The following CSMD1 variants were observed in gnomAD, a reference collection of about 807,000 sequenced individuals.
The protein encoded by CSMD1 is CUB and sushi domain-containing protein 1.
In CSMD1, 213 loss-of-function variants were observed where a neutral mutation model predicts 417.5. The ratio of observed to expected loss-of-function variants is 0.51; its 90% CI spans 0.46 to 0.57. CSMD1 has a LOEUF of 0.57. Ranked by LOEUF, CSMD1 falls within the 20% of genes least tolerant of loss-of-function variation. CSMD1 has a pLI of 0.00. For missense variants in CSMD1, 6,923 were observed against 4,529.7 expected, an observed-to-expected ratio of 1.53 and a Z score of -15.17; for synonymous variants, 2,862 against 1,736.8, an observed-to-expected ratio of 1.65 and a Z score of -16.11.
chr8:3,258,360 C>G (rs893503692), intron 26 of CSMD1, among the ~76,000 whole-genome samples: 2 of 152,100 alleles, frequency 1.3e-5, no homozygotes, highest in Non-Finnish European at 1.5e-5. Context: ...CATCACTGAT[C>G]GTTAGAGAAA....
chr8:3,332,413 T>C (rs942027418), intron 23 of CSMD1, among the ~76,000 whole-genome samples: 1 of 152,200 alleles, frequency 6.6e-6, no homozygotes, highest in Non-Finnish European at 1.5e-5. Context: ...CTGAATTAGC[T>C]GGGAAGAGGA....
chr8:4,289,853 C>T (rs899249402), intron 3 of CSMD1, among the ~76,000 whole-genome samples: 1 of 152,140 alleles, frequency 6.6e-6, no homozygotes, highest in African/African-American at 2.4e-5. Context: ...AGTAGATATT[C>T]AAAGTGTATT....
Position 2,937,024 on chromosome 8 carries a change from G to A in CSMD1, c.*1561C>T, listed in dbSNP as rs561661610. The A allele has an allele frequency of 8.5e-4, 130 of 152,218 alleles. 1 individual carries two copies. Among genetic ancestry groups the A allele is most frequent in the African/African-American group, 3.0e-3 (123 of 41,528 alleles). 9.4% of individuals were successfully genotyped at this position (152,218 alleles called of 1,614,324 possible). Reference sequence around the variant, plus strand: ...ATCAAATAATAAAATAAGTACTATCGTTTCAAAAATATTTTTATCAAATAA... The same window carrying A: ...ATCAAATAATAAAATAAGTACTATCATTTCAAAAATATTTTTATCAAATAA... On this transcript the variant is annotated 3_prime_UTR_variant, in exon 70 of 70. Coordinates refer to ENST00000635120, the MANE Select transcript of CSMD1 (RefSeq NM_033225.6).
intron 3 of CSMD1, among the ~76,000 whole-genome samples, chr8:4,400,432 G>T (rs2128928624): frequency 6.6e-6 from 1 of 152,324 alleles, no homozygotes; most frequent in East Asian, 1.9e-4. Flanking sequence ...ATGTGCACAT[G>T]CATGTATGCA....
chr8:4,483,359 A>G (rs181323427), intron 2 of CSMD1, among the ~76,000 whole-genome samples: 38 of 152,358 alleles, frequency 2.5e-4, no homozygotes, highest in Admixed American at 2.4e-3. Context: ...ATACACCAGT[A>G]GATAAATTAT....
chr8:2,955,648 G>T lies in CSMD1; in HGVS notation c.9935C>A (p.Ser3312Tyr). ...CHPGFFLAGG[S>Y]EHRTCKADMK... Reference sequence around the variant, plus strand: ...GTCTGCTTTACATGTTCTGTGCTCAGATCCCCCTGCGAGGAAAAAGCCTGG... The same window carrying T: ...GTCTGCTTTACATGTTCTGTGCTCATATCCCCCTGCGAGGAAAAAGCCTGG... Residue 3312 changes from serine (S) to tyrosine (Y), a missense_variant, in exon 64 of 70, where the codon TCT (serine) becomes TAT (tyrosine). Coordinates refer to ENST00000635120, the MANE Select transcript of CSMD1 (RefSeq NM_033225.6). The T allele has an allele frequency of 6.2e-7, 1 of 1,613,864 alleles. No individual in the cohort carries two copies. The highest frequency in any genetic ancestry group is 8.5e-7 in the Non-Finnish European group (1 of 1,179,836).
chr8:4,459,667 G>T (rs1294215988), intron 2 of CSMD1, among the ~76,000 whole-genome samples: 1 of 152,160 alleles, frequency 6.6e-6, no homozygotes, highest in Non-Finnish European at 1.5e-5. Flanking sequence ...AATATCTCCT[G>T]CAAAGAAGTG....
chr8:4,909,039 A>G (rs1805490735), intron 1 of CSMD1, among the ~76,000 whole-genome samples: 1 of 152,190 alleles, frequency 6.6e-6, no homozygotes, highest in South Asian at 2.1e-4. Context: ...AAAATGTGAT[A>G]AGCAGGACTT....
chr8:4,620,333 A>G (rs1440816428), intron 2 of CSMD1, among the ~76,000 whole-genome samples: 6 of 151,624 alleles, frequency 4.0e-5, no homozygotes, highest in African/African-American at 4.8e-5. Context: ...ATATATATGT[A>G]TACACATAAA....
At chr8:3,301,411 A>C (rs1351903708) in intron 25 of CSMD1, among the ~76,000 whole-genome samples, 1 of 152,152 alleles carries the variant, frequency 6.6e-6, no homozygotes, top group African/African-American at 2.4e-5. Flanking sequence ...GGAGGTCTTG[A>C]CATGTGGATA....
At chr8:4,337,973 T>G (rs1377990618) in intron 3 of CSMD1, among the ~76,000 whole-genome samples, 1 of 152,168 alleles carries the variant, frequency 6.6e-6, no homozygotes, top group Non-Finnish European at 1.5e-5. Flanking sequence ...ATCAGTTTTG[T>G]CAACTGTAAA....
intron 2 of CSMD1, among the ~76,000 whole-genome samples, chr8:4,438,954 A>G (rs915219472): frequency 3.9e-5 from 6 of 152,226 alleles, no homozygotes; most frequent in Non-Finnish European, 5.9e-5. Context: ...AAATGAATTA[A>G]TGTGAAGTCA....
In CSMD1 at chr8:2,951,217, C is replaced by A. The variant is rs760727138; in HGVS notation, c.10098G>T (p.Gly3366=). Residue 3366 remains glycine, a synonymous_variant, in exon 66 of 70, where the codon GGG becomes GGT. Transcript: ENST00000635120. Reference sequence around the variant, plus strand: ...CAGTTAGAGTGGCGGGTTGTCTTTTCCCTAAATATTCATAATACCCCTTCC... The same window carrying A: ...CAGTTAGAGTGGCGGGTTGTCTTTTACCTAAATATTCATAATACCCCTTCC... The part of the protein sequence containing the change: ...SLWKGYYEYL[G]KRQPATLTVD... 6.2e-7 allele frequency: 1 copy of A among 1,606,526 alleles called. No individual in the cohort carries two copies. Among genetic ancestry groups the A allele is most frequent in the South Asian group, 1.1e-5 (1 of 89,948 alleles).
intron 3 of CSMD1, among the ~76,000 whole-genome samples, chr8:4,416,410 A>C (rs892993409): frequency 1.3e-5 from 2 of 152,176 alleles, no homozygotes; most frequent in African/African-American, 2.4e-5. Flanking sequence ...ATTGAAGTCC[A>C]TGTATGATTT....
intron 1 of CSMD1, among the ~76,000 whole-genome samples, chr8:4,946,464 G>C (rs1437916516): frequency 1.3e-5 from 2 of 152,072 alleles, no homozygotes; most frequent in Non-Finnish European, 2.9e-5. Flanking sequence ...TCTGCCCAGT[G>C]ACCCTCTATG....
intron 3 of CSMD1, among the ~76,000 whole-genome samples, chr8:4,184,451 G>A (rs761223825): frequency 6.6e-6 from 1 of 152,168 alleles, no homozygotes; most frequent in Non-Finnish European, 1.5e-5. Context: ...TCAAAGGCAT[G>A]AAATCAACCT....
intron 5 of CSMD1, among the ~76,000 whole-genome samples, chr8:3,818,599 G>C (rs945536606): frequency 6.6e-6 from 1 of 151,874 alleles, no homozygotes; most frequent in Non-Finnish European, 1.5e-5. Flanking sequence ...AGAAGTGCTA[G>C]AAAAGGGAGA....
intron 5 of CSMD1, among the ~76,000 whole-genome samples, chr8:3,762,598 G>A (rs1798068147): frequency 6.6e-6 from 1 of 152,222 alleles, no homozygotes; most frequent in Non-Finnish European, 1.5e-5. Flanking sequence ...AACATGGGAA[G>A]CCCATGACTT....
intron 3 of CSMD1, among the ~76,000 whole-genome samples, chr8:4,115,021 C>G (rs1340528408): frequency 1.3e-5 from 2 of 152,136 alleles, no homozygotes; most frequent in Non-Finnish European, 2.9e-5. Context: ...AATGCAGAAG[C>G]ATGGTTTGAA....
Sources: allele counts gnomAD v4.1 joint callset (sites outside exome capture counted in the v4.1 genomes callset), GRCh38; gene constraint gnomAD v4.1.1; transcripts MANE v1.5; gene names NCBI Gene and HGNC (gene_info 2026-07-23, HGNC 2026-07-21).